Variants in CASR observed in about 807,000 individuals in gnomAD.
CASR encodes calcium sensing receptor.
A neutral mutation model predicts 69.1 loss-of-function variants in CASR; 23 were observed. The ratio of observed to expected loss-of-function variants is 0.33; its 90% CI spans 0.24 to 0.47. The LOEUF is 0.47. Among genes scored for constraint, CASR ranks in the 20% least tolerant of loss-of-function variants. The pLI is 1.00. For synonymous variants in CASR, 541 were observed against 544.7 expected (o/e 0.99, Z 0.10); for missense variants, 924 against 1,356.1 (o/e 0.68, Z 5.00).
At chr3:122,281,875 T>C (rs1465875763) in intron 5 of CASR, among the ~76,000 whole-genome samples, 2 of 136,196 alleles carry the variant, frequency 1.5e-5, no homozygotes, top group Non-Finnish European at 3.3e-5. Flanking sequence ...TATGTGTGCA[T>C]GCACATGTGT....
intron 1 of CASR, among the ~76,000 whole-genome samples, chr3:122,232,926 G>A (rs2074293410): frequency 6.6e-6 from 1 of 152,148 alleles, no homozygotes; most frequent in African/African-American, 2.4e-5. Context: ...AGATGTCTCT[G>A]TGACCATGAT....
At chr3:122,239,383 C>T (rs1224930922) in intron 1 of CASR, among the ~76,000 whole-genome samples, 1 of 152,186 alleles carries the variant, frequency 6.6e-6, no homozygotes, top group Non-Finnish European at 1.5e-5. Context: ...GGTTTAAGGG[C>T]CAGCTTAGAT....
At chr3:122,261,260 C>T (rs1559958596) in intron 3 of CASR, among the ~76,000 whole-genome samples, 2 of 152,166 alleles carry the variant, frequency 1.3e-5, no homozygotes, top group Admixed American at 1.3e-4. Flanking sequence ...ATGGCCAGAC[C>T]CAGTTTTGAA....
At chr3:122,238,248 G>A (rs2074348017) in intron 1 of CASR, among the ~76,000 whole-genome samples, 1 of 152,164 alleles carries the variant, frequency 6.6e-6, no homozygotes, top group South Asian at 2.1e-4. Context: ...GTGCATTTTG[G>A]GGAAGGAGAG....
intron 1 of CASR, among the ~76,000 whole-genome samples, chr3:122,248,608 ATTTTTT>A (rs539049283): frequency 6.7e-4 from 95 of 141,702 alleles, no homozygotes; most frequent in African/African-American, 2.5e-3. Context: ...GCAACCTAGA[ATTTTTT>A]TTTTTTTTTT....
chr3:122,254,657 C>T (rs2074535770), intron 2 of CASR, among the ~76,000 whole-genome samples: 1 of 152,116 alleles, frequency 6.6e-6, no homozygotes, highest in African/African-American at 2.4e-5. Context: ...CACCTGGCAG[C>T]AGTGTTGCTT....
In CASR at chr3:122,257,193, A is replaced by C; in HGVS notation, c.298A>C (p.Thr100Pro). The change falls in exon 3 of 7, where the codon ACT becomes CCT. Residue 100 changes from threonine (T) to proline (P), a missense_variant. Thr to Pro is a conservative substitution (Grantham distance 38). Around this residue, in one of 8 missense-constraint regions of CASR, gnomAD observed 141 missense variants for 283.0 expected, o/e 0.50. Coordinates refer to ENST00000639785, the MANE Select transcript of CASR (RefSeq NM_000388.4). ...NLTLGYRIFD[T>P]CNTVSKALEA... is the part of the protein sequence containing the mutation. ...GACGCTGGGATACAGGATATTTGAC[A>C]CTTGCAACACCGTTTCTAAGGCCTT... 1 of 1,614,198 alleles carries C rather than the reference A, an allele frequency of 6.2e-7. No individual in the cohort carries two copies. Among genetic ancestry groups the C allele is most frequent in the Non-Finnish European group, 8.5e-7 (1 of 1,180,018 alleles).
At chr3:122,227,659 C>T (rs960194215) in intron 1 of CASR, among the ~76,000 whole-genome samples, 2 of 152,192 alleles carry the variant, frequency 1.3e-5, no homozygotes, top group Non-Finnish European at 2.9e-5. Flanking sequence ...TCCTCAAGCA[C>T]GGCCACAGTG....
At chr3:122,259,666 G>A (rs2107630059) in intron 3 of CASR, among the ~76,000 whole-genome samples, 1 of 128,856 alleles carries the variant, frequency 7.8e-6, no homozygotes, top group East Asian at 2.3e-4. Flanking sequence ...GTCTGGCTCT[G>A]TCACCCAGGC....
chr3:122,193,299 C>T (rs575766605), intron 1 of CASR, among the ~76,000 whole-genome samples: 18 of 152,096 alleles, frequency 1.2e-4, no homozygotes, highest in Admixed American at 1.1e-3. Flanking sequence ...TCACTGCAAC[C>T]TCCACCTCCT....
chr3:122,184,635 C>G (rs1289057092), intron 1 of CASR: 2 of 152,444 alleles, frequency 1.3e-5, no homozygotes, highest in African/African-American at 4.8e-5. Flanking sequence ...GAGGGGCACA[C>G]GCCGGAGCAG....
chr3:122,266,477 TG>T lies in CASR; in HGVS notation c.1377+4067del, dbSNP rs199508497. Reference sequence around the variant, plus strand: ...CAGAGTCTTGCTCTGTCACCCAGGCTGGAATGCAGCGGCCCGATCTTGGCTC... The same window carrying T: ...CAGAGTCTTGCTCTGTCACCCAGGCTGAATGCAGCGGCCCGATCTTGGCTC... On this transcript the variant is annotated intron_variant, in intron 4 of 6. Coordinates refer to ENST00000639785, the MANE Select transcript of CASR (RefSeq NM_000388.4). Among the ~76,000 whole-genome samples, 849 of 152,094 alleles carry T rather than the reference TG, an allele frequency of 5.6e-3. 7 individuals are homozygous for T. Among genetic ancestry groups the T allele is most frequent in the Non-Finnish European group, 9.8e-3 (667 of 67,980 alleles).
chr3:122,186,419 G>A (rs1387243341), intron 1 of CASR, among the ~76,000 whole-genome samples: 2 of 152,190 alleles, frequency 1.3e-5, no homozygotes, highest in Non-Finnish European at 1.5e-5. Context: ...TGAGACTGGT[G>A]AGGAGTTGCA....
intron 1 of CASR, among the ~76,000 whole-genome samples, chr3:122,250,161 T>G (rs1206362934): frequency 6.6e-6 from 1 of 150,550 alleles, no homozygotes; most frequent in Non-Finnish European, 1.5e-5. Flanking sequence ...GAAGGCAGAG[T>G]GGGAAGCAAT....
chr3:122,193,360 G>T (rs2073857389), intron 1 of CASR, among the ~76,000 whole-genome samples: 1 of 151,994 alleles, frequency 6.6e-6, no homozygotes, highest in South Asian at 2.1e-4. Context: ...GAGATTACAG[G>T]CATGCACCAC....
At chr3:122,264,794 A>G (rs1285004531) in intron 4 of CASR, among the ~76,000 whole-genome samples, 2 of 152,184 alleles carry the variant, frequency 1.3e-5, no homozygotes, top group East Asian at 1.9e-4. Context: ...CAGGAGATGA[A>G]CTAGCAATTA....
intron 1 of CASR, among the ~76,000 whole-genome samples, chr3:122,218,474 C>T (rs993105852): frequency 1.4e-5 from 2 of 146,144 alleles, no homozygotes; most frequent in Non-Finnish European, 3.0e-5. Context: ...GCAGAGGTTG[C>T]AGTGAGCCGA....
chr3:122,261,144 T>C (rs1043518741), intron 3 of CASR, among the ~76,000 whole-genome samples: 1 of 152,178 alleles, frequency 6.6e-6, no homozygotes, highest in African/African-American at 2.4e-5. Flanking sequence ...CATGGATATA[T>C]TATAACCAAT....
chr3:122,201,768 C>T (rs2107587993), intron 1 of CASR, among the ~76,000 whole-genome samples: 1 of 152,282 alleles, frequency 6.6e-6, no homozygotes, highest in East Asian at 1.9e-4. Context: ...AGGGTCTCCT[C>T]ACTTCTCAGA....
Sources: gnomAD v4.1 joint callset for allele counts (sites outside exome capture counted in the v4.1 genomes callset) on GRCh38, gnomAD v4.1.1 for gene constraint, gnomAD v4.1.1 regional missense constraint, MANE v1.5 for transcripts, NCBI Gene and HGNC (gene_info 2026-07-23, HGNC 2026-07-21) for gene names.